The following DCDC2C variants were observed in gnomAD, a reference collection of about 807,000 sequenced individuals.
DCDC2C encodes doublecortin domain-containing protein 2C.
In DCDC2C, 44 loss-of-function variants were observed where a neutral mutation model predicts 45.0. The observed-to-expected ratio is 0.98, with a 90% CI of 0.77 to 1.26. The LOEUF (loss-of-function observed/expected upper bound fraction) is 1.26. Ranked by LOEUF, DCDC2C falls within the 50% of genes most tolerant of loss-of-function variation. The pLI, the probability that DCDC2C is intolerant of heterozygous loss-of-function variation, is 0.00. For synonymous variants in DCDC2C, 187 were observed against 178.8 expected (o/e 1.05, Z -0.37); for missense variants, 447 against 468.9 (o/e 0.95, Z 0.43).
chr2:3,846,219 C>T (rs528463814), intron 10 of DCDC2C, among the ~76,000 whole-genome samples: 2 of 151,472 alleles, frequency 1.3e-5, no homozygotes, highest in Non-Finnish European at 2.9e-5. Context: ...TCCTGTTCTT[C>T]CCTCTTCTTC....
intron 6 of DCDC2C, among the ~76,000 whole-genome samples, chr2:3,766,944 A>G (rs760133595): frequency 5.3e-5 from 8 of 152,276 alleles, no homozygotes; most frequent in Middle Eastern, 3.4e-3. Flanking sequence ...GCCGTAGGAT[A>G]CTCTCGGAAT....
chr2:3,808,733 G>A (rs1236104791), intron 10 of DCDC2C, among the ~76,000 whole-genome samples: 2 of 152,170 alleles, frequency 1.3e-5, no homozygotes, highest in African/African-American at 4.8e-5. Flanking sequence ...CATTGTATTT[G>A]AAGAGCAGAA....
At chr2:3,772,558 C>T (rs1412437372) in intron 8 of DCDC2C, among the ~76,000 whole-genome samples, 1 of 152,104 alleles carries the variant, frequency 6.6e-6, no homozygotes, top group Admixed American at 6.6e-5. Context: ...TGAATGTGGG[C>T]AGGGAGGGTC....
At chr2:3,751,658 G>A (rs1572585647) in intron 4 of DCDC2C, among the ~76,000 whole-genome samples, 1 of 152,180 alleles carries the variant, frequency 6.6e-6, no homozygotes, top group Admixed American at 6.5e-5. Context: ...GGAGGGATAG[G>A]TTCTATAGAT....
intron 5 of DCDC2C, 21 bp from the exon 6 acceptor site, chr2:3,754,571 T>C (rs1228578667): frequency 1.3e-6 from 2 of 1,548,458 alleles, no homozygotes; most frequent in Non-Finnish European, 1.7e-6. Flanking sequence ...CATTTCAAGT[T>C]GAACATCTTT....
rs573679949 is a variant in DCDC2C, at chr2:3,760,195, C to T, written c.726+5561C>T. Among the ~76,000 whole-genome samples, 16 of 152,340 alleles carry T rather than the reference C, an allele frequency of 1.1e-4. No homozygotes were observed. In the South Asian group the frequency reaches 3.1e-3, roughly 30 times the overall value. On this transcript the variant is annotated intron_variant, in intron 6 of 10. Coordinates refer to ENST00000399143, the MANE Select transcript of DCDC2C (RefSeq NM_001287444.2). ...GTTTGAAAGATGTGAGAGCACAGCT[C>T]TTCGCCTCTTAGTTCTCAGTTTCCA...
At chr2:3,793,939 A>G (rs1670889222) in intron 10 of DCDC2C, among the ~76,000 whole-genome samples, 1 of 152,252 alleles carries the variant, frequency 6.6e-6, no homozygotes, top group Non-Finnish European at 1.5e-5. Flanking sequence ...TGTACTTGAA[A>G]AAGAGAGGAA....
intron 4 of DCDC2C, among the ~76,000 whole-genome samples, chr2:3,743,375 C>G (rs900744932): frequency 1.3e-5 from 2 of 152,104 alleles, no homozygotes; most frequent in Non-Finnish European, 2.9e-5. Flanking sequence ...ATAAGGAAAC[C>G]GTGGGCTTGA....
chr2:3,791,826 G>T (rs955784754), intron 10 of DCDC2C, among the ~76,000 whole-genome samples: 23 of 152,278 alleles, frequency 1.5e-4, no homozygotes, highest in African/African-American at 5.3e-4. Context: ...GCAGGATCCA[G>T]GCAGTACTCT....
chr2:3,800,231 A>C (rs986200196), intron 10 of DCDC2C, among the ~76,000 whole-genome samples: 2 of 152,142 alleles, frequency 1.3e-5, no homozygotes, highest in African/African-American at 2.4e-5. Flanking sequence ...TTCAGCTCGC[A>C]CACGGTGCGC....
At chr2:3,755,225 CATGATGTGTAT>C (rs1016051753) in intron 6 of DCDC2C, among the ~76,000 whole-genome samples, 1 of 148,522 alleles carries the variant, frequency 6.7e-6, no homozygotes, top group Non-Finnish European at 1.5e-5. Flanking sequence ...ATGATGTGTG[CATGATGTGTAT>C]ATGATGTGCA....
chr2:3,713,241 GC>G (rs1178763584), intron 2 of DCDC2C, among the ~76,000 whole-genome samples: 1 of 152,084 alleles, frequency 6.6e-6, no homozygotes, highest in Non-Finnish European at 1.5e-5. Flanking sequence ...AGATGTTCAA[GC>G]CCTTACATCA....
chr2:3,736,129 A>C (rs1201564445), intron 3 of DCDC2C, among the ~76,000 whole-genome samples: 1 of 152,190 alleles, frequency 6.6e-6, no homozygotes, highest in East Asian at 1.9e-4. Context: ...GGGAAGCAGA[A>C]GAACTTAAGC....
chr2:3,847,022 C>T (rs897198629), intron 10 of DCDC2C, 132 bp from the exon 11 acceptor site: 8 of 275,522 alleles, frequency 2.9e-5, no homozygotes, highest in East Asian at 6.9e-5. Flanking sequence ...TCCCACCCCA[C>T]CCCTCCCAGG....
intron 8 of DCDC2C, among the ~76,000 whole-genome samples, chr2:3,776,131 C>T (rs1052107970): frequency 1.1e-4 from 16 of 152,244 alleles, no homozygotes; most frequent in Non-Finnish European, 2.4e-4. Context: ...CTCAGAACCT[C>T]TCAGGACTGT....
In DCDC2C at chr2:3,741,789, T is replaced by C. The variant is rs13400420; in HGVS notation, c.417-131T>C. ...TGATAAGGTCCCCAATAAGACATAG[T>C]ATGAAGTATTGGAGGCTGCTTAGTG... On this transcript the variant is annotated intron_variant, in intron 3 of 10. Coordinates refer to ENST00000399143, the MANE Select transcript of DCDC2C (RefSeq NM_001287444.2). The C allele has an allele frequency of 5.1e-3, 4,927 of 959,750 alleles. 176 individuals are homozygous for C. In the African/African-American group the frequency reaches 0.072, roughly 14 times the overall value. 59.5% of individuals were successfully genotyped at this position (959,750 alleles called of 1,614,324 possible).
At chr2:3,707,754 T>C (rs1002907637) in intron 1 of DCDC2C, among the ~76,000 whole-genome samples, 3 of 152,210 alleles carry the variant, frequency 2.0e-5, no homozygotes, top group African/African-American at 7.2e-5. Flanking sequence ...GCGAGTGCCA[T>C]CATTTACTTG....
At chr2:3,768,763 A>C (rs1405734957) in intron 7 of DCDC2C, among the ~76,000 whole-genome samples, 1 of 152,102 alleles carries the variant, frequency 6.6e-6, no homozygotes, top group Non-Finnish European at 1.5e-5. Context: ...TAGTAGAGAC[A>C]GGGTTTCTCC....
At chr2:3,751,547 CCA>C (rs1266689964) in intron 4 of DCDC2C, among the ~76,000 whole-genome samples, 1 of 152,220 alleles carries the variant, frequency 6.6e-6, no homozygotes, top group Non-Finnish European at 1.5e-5. Context: ...GTTAGAAATG[CCA>C]CACACAGGCC....
Sources: gnomAD v4.1 joint callset for allele counts (sites outside exome capture counted in the v4.1 genomes callset) on GRCh38, gnomAD v4.1.1 for gene constraint, MANE v1.5 for transcripts, NCBI Gene and HGNC (gene_info 2026-07-23, HGNC 2026-07-21) for gene names.